The following CCDC148 variants were observed in gnomAD, a reference collection of about 807,000 sequenced individuals.
CCDC148 encodes the protein coiled-coil domain-containing protein 148.
Under a neutral mutation model 85.7 loss-of-function variants are expected in CCDC148, and 89 were observed. That is an observed-to-expected ratio of 1.04 (90% CI 0.87 to 1.24). The LOEUF (loss-of-function observed/expected upper bound fraction) is 1.24. CCDC148 is among the 50% of genes most tolerant of loss of function. The pLI, the probability that CCDC148 is intolerant of heterozygous loss-of-function variation, is 0.00. For missense variants in CCDC148, 692 were observed against 671.7 expected, an observed-to-expected ratio of 1.03 and a Z score of -0.33; for synonymous variants, 230 against 213.9, an observed-to-expected ratio of 1.08 and a Z score of -0.66.
At chr2:158,433,368 T>C (rs569201128) in intron 1 of CCDC148, among the ~76,000 whole-genome samples, 1 of 151,424 alleles carries the variant, frequency 6.6e-6, no homozygotes, top group Non-Finnish European at 1.5e-5. Flanking sequence ...GAAACTCAAG[T>C]TGCAAACAAA....
chr2:158,379,378 A>T (rs1473577003), intron 1 of CCDC148, among the ~76,000 whole-genome samples: 1 of 152,128 alleles, frequency 6.6e-6, no homozygotes, highest in Non-Finnish European at 1.5e-5. Flanking sequence ...GTTTCTGGAG[A>T]TGAAATCTAT....
At chr2:158,332,995 T>C (rs375703322) in intron 7 of CCDC148, among the ~76,000 whole-genome samples, 19 of 152,274 alleles carry the variant, frequency 1.2e-4, no homozygotes, top group African/African-American at 3.6e-4. Context: ...CCTGGATTCA[T>C]TGATTTTTTT....
chr2:158,394,396 A>C (rs1685439915), intron 1 of CCDC148, among the ~76,000 whole-genome samples: 3 of 152,050 alleles, frequency 2.0e-5, no homozygotes, highest in African/African-American at 7.2e-5. Flanking sequence ...AAGAAAATAG[A>C]ACTATTCTGA....
intron 10 of CCDC148, among the ~76,000 whole-genome samples, chr2:158,229,981 C>T (rs921667626): frequency 1.3e-5 from 2 of 152,168 alleles, no homozygotes; most frequent in Non-Finnish European, 2.9e-5. Context: ...CTCTGTACTC[C>T]ACTCCGAAGT....
At chr2:158,406,556 TAAGTAATTTTA>T (rs955802543) in intron 1 of CCDC148, among the ~76,000 whole-genome samples, 51 of 151,498 alleles carry the variant, frequency 3.4e-4, no homozygotes, top group Non-Finnish European at 6.5e-4. Flanking sequence ...ACACTTTCGG[TAAGTAATTTTA>T]AAGTGCACAC....
Position 158,456,403 on chromosome 2 carries a change from G to T in CCDC148, c.25+12C>A. Reference sequence around the variant, plus strand: ...AGGAAGCAGCGATGGAAGGGATGGGGTGCAAACTCACCTGGAGAAGCAGAA... The same window carrying T: ...AGGAAGCAGCGATGGAAGGGATGGGTTGCAAACTCACCTGGAGAAGCAGAA... On this transcript the variant is annotated intron_variant, in intron 1 of 13. Coordinates refer to ENST00000283233, the MANE Select transcript of CCDC148 (RefSeq NM_138803.4). 1 of 1,611,360 alleles carries T rather than the reference G, an allele frequency of 6.2e-7. No individual in the cohort carries two copies. The highest frequency in any genetic ancestry group is 8.5e-7 in the Non-Finnish European group (1 of 1,178,824).
At chr2:158,264,957 A>T (rs538890372) in intron 9 of CCDC148, among the ~76,000 whole-genome samples, 1 of 152,238 alleles carries the variant, frequency 6.6e-6, no homozygotes, top group South Asian at 2.1e-4. Context: ...TCTAAATGAC[A>T]GCTCCACCAA....
chr2:158,435,715 C>T (rs1687615022), intron 1 of CCDC148, among the ~76,000 whole-genome samples: 1 of 152,128 alleles, frequency 6.6e-6, no homozygotes, highest in South Asian at 2.1e-4. Flanking sequence ...CATCAGTGTG[C>T]TGTATTCAGG....
At chr2:158,251,013 T>C (rs1688771982) in intron 9 of CCDC148, 101 bp from the exon 10 acceptor site, 1 of 1,066,778 alleles carries the variant, frequency 9.4e-7, no homozygotes, top group Non-Finnish European at 1.3e-6. Context: ...ATGTCACTTT[T>C]TTTCCAAATA....
chr2:158,183,512 G>A (rs948096667), intron 11 of CCDC148, among the ~76,000 whole-genome samples: 1 of 151,938 alleles, frequency 6.6e-6, no homozygotes, highest in Non-Finnish European at 1.5e-5. Flanking sequence ...CCACCAAGGG[G>A]GAAAAAGACT....
intron 1 of CCDC148, chr2:158,381,095 GA>G (rs1574724716): frequency 6.6e-6 from 1 of 152,060 alleles, no homozygotes; most frequent in Non-Finnish European, 1.5e-5. Flanking sequence ...ATCTTAAATG[GA>G]AAACATAATA....
rs1026517604 is a variant in CCDC148, at chr2:158,176,589, T to C, written c.1561A>G (p.Ile521Val). Residue 521 changes from isoleucine to valine, a missense_variant, in exon 13 of 14, where the codon ATT (isoleucine) becomes GTT (valine). Transcript: ENST00000283233. Reference protein sequence around the residue: ...DTMASKARMGIEIEEEFILQK... With the variant: ...DTMASKARMGVEIEEEFILQK... Reference sequence around the variant, plus strand: ...AGAATAAATTCTTCTTCAATTTCAATGCCCATTCTAGCTTTTGATGCCATT... The same window carrying C: ...AGAATAAATTCTTCTTCAATTTCAACGCCCATTCTAGCTTTTGATGCCATT... The C allele has an allele frequency of 5.6e-6, 9 of 1,612,178 alleles. No individual in the cohort carries two copies. Among genetic ancestry groups the C allele is most frequent in the Non-Finnish European group, 6.8e-6 (8 of 1,178,984 alleles).
chr2:158,179,138 T>A (rs1476989540), intron 11 of CCDC148, 142 bp from the exon 12 acceptor site: 5 of 371,964 alleles, frequency 1.3e-5, no homozygotes, highest in African/African-American at 2.2e-5. Flanking sequence ...CAAGTCCAAA[T>A]CAATAAAAGA....
intron 7 of CCDC148, among the ~76,000 whole-genome samples, chr2:158,323,796 T>C (rs1417420135): frequency 6.6e-6 from 1 of 152,108 alleles, no homozygotes; most frequent in African/African-American, 2.4e-5. Flanking sequence ...TAGGTACTTA[T>C]TAAATATCAA....
chr2:158,382,932 C>A (rs1211008080), intron 1 of CCDC148, among the ~76,000 whole-genome samples: 1 of 150,988 alleles, frequency 6.6e-6, no homozygotes. Context: ...CAAAAAAAAA[C>A]CACAATAACA....
intron 11 of CCDC148, among the ~76,000 whole-genome samples, chr2:158,213,689 C>T (rs370657642): frequency 8.5e-5 from 13 of 152,240 alleles, no homozygotes; most frequent in Non-Finnish European, 1.5e-4. Context: ...GAGATATGAC[C>T]GTTACATATC....
chr2:158,343,452 A>C (rs1682842662), intron 3 of CCDC148, among the ~76,000 whole-genome samples: 1 of 152,188 alleles, frequency 6.6e-6, no homozygotes, highest in Non-Finnish European at 1.5e-5. Flanking sequence ...ATATTAAAGG[A>C]GATAAAACAT....
At chr2:158,426,092 T>A in intron 1 of CCDC148, among the ~76,000 whole-genome samples, 1 of 130,278 alleles carries the variant, frequency 7.7e-6, no homozygotes, top group Non-Finnish European at 1.9e-5. Context: ...TCCAAATAAA[T>A]ATAGAAAAGA....
At chr2:158,202,568 A>G (rs1443695724) in intron 11 of CCDC148, among the ~76,000 whole-genome samples, 1 of 152,174 alleles carries the variant, frequency 6.6e-6, no homozygotes, top group Non-Finnish European at 1.5e-5. Context: ...ACGGTGCCAA[A>G]TAATAAATAT....
Sources: allele counts gnomAD v4.1 joint callset (sites outside exome capture counted in the v4.1 genomes callset), GRCh38; gene constraint gnomAD v4.1.1; transcripts MANE v1.5; gene names NCBI Gene and HGNC (gene_info 2026-07-23, HGNC 2026-07-21).